The following EPHA6 variants were observed in gnomAD, a reference collection of about 807,000 sequenced individuals.
The protein encoded by EPHA6 is ephrin type-A receptor 6.
A neutral mutation model predicts 112.0 loss-of-function variants in EPHA6; 50 were observed. The observed-to-expected ratio is 0.45, with a 90% CI of 0.36 to 0.56. The LOEUF (loss-of-function observed/expected upper bound fraction) is 0.56. EPHA6 is among the 20% of genes least tolerant of loss of function. The probability of loss-of-function intolerance (pLI) is 0.00; values close to 1 mark genes in which losing one functional copy is unlikely to be tolerated. For synonymous variants in EPHA6, 529 were observed against 490.7 expected (o/e 1.08, Z -1.03); for missense variants, 1,280 against 1,417.4 (o/e 0.90, Z 1.56).
At chr3:97,615,976 C>G (rs560703668) in intron 13 of EPHA6, among the ~76,000 whole-genome samples, 1 of 152,290 alleles carries the variant, frequency 6.6e-6, no homozygotes, top group South Asian at 2.1e-4. Context: ...AAAAAAGTGA[C>G]TAGACTGCTT....
intron 14 of EPHA6, among the ~76,000 whole-genome samples, chr3:97,676,484 C>T (rs2031390988): frequency 6.6e-6 from 1 of 152,254 alleles, no homozygotes; most frequent in Non-Finnish European, 1.5e-5. Flanking sequence ...TGAGTGTATT[C>T]ACCCTGAAAC....
intron 2 of EPHA6, among the ~76,000 whole-genome samples, chr3:96,979,473 T>C (rs1187423488): frequency 5.3e-5 from 8 of 152,268 alleles, no homozygotes; most frequent in East Asian, 1.9e-4. Context: ...GGGTTGGTTC[T>C]AAGTCTTTGC....
intron 3 of EPHA6, among the ~76,000 whole-genome samples, chr3:97,193,906 T>C (rs2077372346): frequency 6.6e-6 from 1 of 152,138 alleles, no homozygotes; most frequent in Non-Finnish European, 1.5e-5. Context: ...GATCACGTTT[T>C]TTGTCTTTCA....
chr3:97,690,264 T>C (rs1011463980), intron 14 of EPHA6, among the ~76,000 whole-genome samples: 1 of 152,210 alleles, frequency 6.6e-6, no homozygotes, highest in African/African-American at 2.4e-5. Context: ...ATCCCACTGG[T>C]AAGGAATGAG....
At chr3:97,334,789 T>C (rs1222902894) in intron 5 of EPHA6, among the ~76,000 whole-genome samples, 1 of 152,208 alleles carries the variant, frequency 6.6e-6, no homozygotes, top group Admixed American at 6.6e-5. Context: ...AATGTAATTC[T>C]ATTGACTTTT....
chr3:97,608,924 AC>A (rs2093698788), intron 12 of EPHA6, among the ~76,000 whole-genome samples: 1 of 151,368 alleles, frequency 6.6e-6, no homozygotes, highest in South Asian at 2.1e-4. Flanking sequence ...ACTGCCACTT[AC>A]CAGCTATTTG....
rs147777904 is a variant in EPHA6 at position 96,893,530 on chromosome 3, G to A, written c.450+26641G>A. On this transcript the variant is annotated intron_variant, in intron 2 of 17. Transcript: ENST00000389672. ...AAGTGATTAAGGATTATTTAGGTGG[G>A]AAATTAATGATGATTATTGCACACC... is the stretch of plus-strand genomic sequence containing the variant. Among the ~76,000 whole-genome samples, 301 of 152,316 alleles carry A rather than the reference G, an allele frequency of 2.0e-3. 2 individuals are homozygous for A. Among genetic ancestry groups the A allele is most frequent in the African/African-American group, 6.9e-3 (286 of 41,570 alleles).
At chr3:97,027,396 G>C (rs888784495) in intron 3 of EPHA6, among the ~76,000 whole-genome samples, 2 of 151,730 alleles carry the variant, frequency 1.3e-5, no homozygotes, top group African/African-American at 2.4e-5. Flanking sequence ...TATGACACAA[G>C]TTTACCTATG....
chr3:97,082,250 G>T (rs1157743175), intron 3 of EPHA6, among the ~76,000 whole-genome samples: 1 of 151,762 alleles, frequency 6.6e-6, no homozygotes, highest in Non-Finnish European at 1.5e-5. Context: ...AAATGAGCGT[G>T]TATTACTTTT....
Position 96,867,984 on chromosome 3 carries a change from C to T in EPHA6, c.450+1095C>T, listed in dbSNP as rs115459094. The stretch of plus-strand genomic sequence containing the variant: ...GAAATTTTTGTTTATTCTACTAGAG[C>T]TCTTATCAAACTGTTTCTGAGGTAT... On this transcript the variant is annotated intron_variant, in intron 2 of 17. Coordinates refer to ENST00000389672, the MANE Select transcript of EPHA6 (RefSeq NM_001080448.3). 2.9e-3 allele frequency among the ~76,000 whole-genome samples: 444 copies of T among 151,872 alleles called. 4 individuals carry two copies. The highest frequency in any genetic ancestry group is 9.7e-3 in the African/African-American group (402 of 41,498).
At chr3:97,349,952 C>A (rs147675593) in intron 5 of EPHA6, among the ~76,000 whole-genome samples, 1 of 151,156 alleles carries the variant, frequency 6.6e-6, no homozygotes, top group Non-Finnish European at 1.5e-5. Flanking sequence ...ACTAATCATG[C>A]TAATCTTTTT....
chr3:97,546,292 T>C (rs1409457982), intron 11 of EPHA6, among the ~76,000 whole-genome samples: 28 of 152,220 alleles, frequency 1.8e-4, no homozygotes, highest in Non-Finnish European at 2.9e-4. Flanking sequence ...TTTGCTTGTC[T>C]GTAAAGGATT....
chr3:97,050,014 C>G (rs1046240778), intron 3 of EPHA6, among the ~76,000 whole-genome samples: 1 of 152,104 alleles, frequency 6.6e-6, no homozygotes, highest in Non-Finnish European at 1.5e-5. Flanking sequence ...AGAGTGTTAA[C>G]GAGTAAGAAA....
At chr3:97,318,074 G>A (rs144913847) in intron 5 of EPHA6, among the ~76,000 whole-genome samples, 1 of 152,098 alleles carries the variant, frequency 6.6e-6, no homozygotes, top group African/African-American at 2.4e-5. Context: ...GAAACAATTA[G>A]GAGCTCAGGT....
chr3:96,908,073 A>AT (rs1318373743), intron 2 of EPHA6, among the ~76,000 whole-genome samples: 1 of 151,940 alleles, frequency 6.6e-6, no homozygotes, highest in Non-Finnish European at 1.5e-5. Context: ...CCTGTATGGA[A>AT]TATTATAGGC....
At position 97,364,909 on chromosome 3, in the gene EPHA6, A is replaced by G. The variant is rs1328487933; in HGVS notation, c.1607-40241A>G. On this transcript the variant is annotated intron_variant, in intron 5 of 17. Transcript: ENST00000389672. ...TAAAACTATTGTAAGCAACTTTTCC[A>G]TTCTAAAAACATACCTTCTCTCAGG... is the stretch of plus-strand genomic sequence containing the variant. 2.6e-5 allele frequency among the ~76,000 whole-genome samples: 4 copies of G among 152,174 alleles called. No homozygotes were observed. In the South Asian group the frequency reaches 6.2e-4, roughly 24 times the overall value.
chr3:96,921,542 A>G (rs2039763807), intron 2 of EPHA6, among the ~76,000 whole-genome samples: 1 of 151,980 alleles, frequency 6.6e-6, no homozygotes, highest in South Asian at 2.1e-4. Flanking sequence ...GACATAAATT[A>G]ATTTTCAGAG....
At chr3:97,355,095 C>T (rs551645811) in intron 5 of EPHA6, among the ~76,000 whole-genome samples, 1 of 152,212 alleles carries the variant, frequency 6.6e-6, no homozygotes, top group South Asian at 2.1e-4. Context: ...AGCACCAGAA[C>T]TGTCCTACAA....
chr3:97,697,287 G>A (rs1366524534), intron 14 of EPHA6, among the ~76,000 whole-genome samples: 2 of 152,076 alleles, frequency 1.3e-5, no homozygotes, highest in Non-Finnish European at 2.9e-5. Flanking sequence ...TTCAAGCCTT[G>A]GAATAATGTA....
Sources: gnomAD v4.1 joint callset for allele counts (sites outside exome capture counted in the v4.1 genomes callset) on GRCh38, gnomAD v4.1.1 for gene constraint, MANE v1.5 for transcripts, NCBI Gene and HGNC (gene_info 2026-07-23, HGNC 2026-07-21) for gene names.